Variants in GRID2 observed in about 807,000 individuals in gnomAD.
GRID2 encodes glutamate ionotropic receptor delta type subunit 2.
Under a neutral mutation model 114.8 loss-of-function variants are expected in GRID2, and 33 were observed. That is an observed-to-expected ratio of 0.29 (90% confidence interval 0.22 to 0.38). GRID2 has a LOEUF of 0.38. GRID2 is among the 10% of genes least tolerant of loss of function. GRID2 has a pLI of 1.00. For missense variants in GRID2, 1,184 were observed against 1,257.7 expected (o/e 0.94, Z 0.89); for synonymous variants, 505 against 449.9 (o/e 1.12, Z -1.55).
At chr4:93,305,511 T>C (rs1274834856) in intron 8 of GRID2, among the ~76,000 whole-genome samples, 1 of 152,114 alleles carries the variant, frequency 6.6e-6, no homozygotes, top group African/African-American at 2.4e-5. Flanking sequence ...TTTAGGAGGT[T>C]CTTTCAATAT....
intron 2 of GRID2, among the ~76,000 whole-genome samples, chr4:93,006,475 T>C (rs1332022229): frequency 6.6e-6 from 1 of 151,920 alleles, no homozygotes; most frequent in Non-Finnish European, 1.5e-5. Context: ...AGACTAAATA[T>C]AACAGTCTTG....
chr4:93,134,398 A>G (rs983338100), intron 4 of GRID2, among the ~76,000 whole-genome samples: 1 of 152,118 alleles, frequency 6.6e-6, no homozygotes, highest in Non-Finnish European at 1.5e-5. Context: ...GAGTAATGGG[A>G]TGGTGCTTAG....
intron 11 of GRID2, among the ~76,000 whole-genome samples, chr4:93,481,954 G>A (rs1441275315): frequency 6.6e-6 from 1 of 151,876 alleles, no homozygotes. Context: ...GATTACAGAA[G>A]GGTTTATATT....
chr4:93,234,646 C>CTTTT (rs35406159), intron 7 of GRID2, among the ~76,000 whole-genome samples: 1 of 142,306 alleles, frequency 7.0e-6, no homozygotes, highest in African/African-American at 2.6e-5. Context: ...TTGTCGTCCT[C>CTTTT]TTTTTTTTTT....
chr4:92,374,888 G>A (rs1729283064), intron 1 of GRID2, among the ~76,000 whole-genome samples: 1 of 152,124 alleles, frequency 6.6e-6, no homozygotes, highest in African/African-American at 2.4e-5. Context: ...GTTCAGATCT[G>A]TGGTTATCAA....
intron 2 of GRID2, among the ~76,000 whole-genome samples, chr4:92,950,421 T>C (rs1751943611): frequency 6.6e-6 from 1 of 152,186 alleles, no homozygotes; most frequent in African/African-American, 2.4e-5. Context: ...TACAAGTGCT[T>C]TTGTTTGAAT....
At chr4:93,262,895 C>G (rs1435296014) in intron 8 of GRID2, among the ~76,000 whole-genome samples, 5 of 151,668 alleles carry the variant, frequency 3.3e-5, no homozygotes, top group Admixed American at 2.6e-4. Flanking sequence ...TTTCTGTTTA[C>G]TATTAAATTT....
At chr4:93,076,610 C>CTTTTTTTTTTTTTTTTTTTTT (rs56357327) in intron 2 of GRID2, among the ~76,000 whole-genome samples, 1 of 96,984 alleles carries the variant, frequency 1.0e-5, no homozygotes. Flanking sequence ...TCACCAACCT[C>CTTTTTTTTTTTTTTTTTTTTT]TTTTTTTTTT....
intron 2 of GRID2, among the ~76,000 whole-genome samples, chr4:92,974,019 T>A (rs1753690664): frequency 6.6e-6 from 1 of 152,056 alleles, no homozygotes; most frequent in Admixed American, 6.5e-5. Flanking sequence ...CATCAAAAAA[T>A]AGGCAAAGGC....
At chr4:93,049,716 C>A (rs2149278871) in intron 2 of GRID2, among the ~76,000 whole-genome samples, 1 of 151,792 alleles carries the variant, frequency 6.6e-6, no homozygotes. Context: ...AAATATTTTT[C>A]TTCCAATTTT....
intron 2 of GRID2, among the ~76,000 whole-genome samples, chr4:92,647,076 A>T (rs935539738): frequency 2.0e-5 from 3 of 152,218 alleles, no homozygotes; most frequent in Non-Finnish European, 2.9e-5. Context: ...TGGGACTGAG[A>T]GGCAATGTTT....
At chr4:92,960,285 A>G (rs371644964) in intron 2 of GRID2, among the ~76,000 whole-genome samples, 94 of 152,104 alleles carry the variant, frequency 6.2e-4, no homozygotes, top group African/African-American at 2.2e-3. Context: ...CAGTTCATTG[A>G]TGGTGCTGTA....
At chr4:93,235,011 T>C (rs1746603458) in intron 7 of GRID2, among the ~76,000 whole-genome samples, 1 of 152,138 alleles carries the variant, frequency 6.6e-6, no homozygotes, top group African/African-American at 2.4e-5. Context: ...AAAAGATCCT[T>C]CATCATAAAC....
intron 8 of GRID2, among the ~76,000 whole-genome samples, chr4:93,302,997 A>G (rs1755032763): frequency 6.6e-6 from 1 of 152,226 alleles, no homozygotes; most frequent in South Asian, 2.1e-4. Flanking sequence ...CAGGCTGTAC[A>G]GGAAGCATGG....
chr4:92,422,378 A>G (rs1260184032), intron 1 of GRID2, among the ~76,000 whole-genome samples: 1 of 152,148 alleles, frequency 6.6e-6, no homozygotes, highest in Non-Finnish European at 1.5e-5. Flanking sequence ...GAGAGTTTTA[A>G]GCAGAGATGA....
chr4:93,552,153 G>C (rs1733826535), intron 13 of GRID2, among the ~76,000 whole-genome samples: 4 of 151,422 alleles, frequency 2.6e-5, no homozygotes, highest in Admixed American at 2.6e-4. Flanking sequence ...CCTTGTGATA[G>C]TTTGCTGAGA....
chr4:93,107,867 C>T (rs1394438281), intron 3 of GRID2, among the ~76,000 whole-genome samples: 1 of 152,258 alleles, frequency 6.6e-6, no homozygotes, highest in East Asian at 1.9e-4. Flanking sequence ...CATATCCAGT[C>T]ATCCACTTAA....
At chr4:92,729,230 A>G (rs1484269892) in intron 2 of GRID2, among the ~76,000 whole-genome samples, 1 of 152,076 alleles carries the variant, frequency 6.6e-6, no homozygotes, top group Non-Finnish European at 1.5e-5. Flanking sequence ...ACAATAAACC[A>G]TTGGCTTCAC....
At chr4:92,360,678 G>C (rs1728573164) in intron 1 of GRID2, among the ~76,000 whole-genome samples, 1 of 151,882 alleles carries the variant, frequency 6.6e-6, no homozygotes, top group South Asian at 2.1e-4. Flanking sequence ...AGTCTTGAAA[G>C]ATAAGAAGGA....
Sources: allele counts gnomAD v4.1 joint callset (sites outside exome capture counted in the v4.1 genomes callset), GRCh38; gene constraint gnomAD v4.1.1; transcripts MANE v1.5; gene names NCBI Gene and HGNC (gene_info 2026-07-23, HGNC 2026-07-21).